Variants in ADGRA3 observed in about 807,000 individuals in gnomAD.
ADGRA3 encodes adhesion G protein-coupled receptor A3.
ADGRA3 carries 56 observed loss-of-function variants against 119.8 expected under a neutral mutation model. The ratio of observed to expected loss-of-function variants is 0.47; its 90% CI spans 0.38 to 0.58. ADGRA3 has a LOEUF of 0.58. ADGRA3 is among the 20% of genes least tolerant of loss of function. The probability of loss-of-function intolerance (pLI) is 0.00; values close to 1 mark genes in which losing one functional copy is unlikely to be tolerated. For missense variants in ADGRA3, 1,516 were observed against 1,649.0 expected (o/e 0.92, Z 1.40); for synonymous variants, 607 against 623.8 (o/e 0.97, Z 0.40).
Position 22,388,328 on chromosome 4 carries a change from A to G in ADGRA3, c.3343T>C (p.Leu1115=), listed in dbSNP as rs947300211. Residue 1115 remains leucine, a synonymous_variant, in exon 19 of 19, where the codon TTA becomes CTA. Transcript: ENST00000334304. ...SFKNSSQGCK[L]TNLQAAAAQC... is the part of the protein sequence containing the mutation. Reference sequence around the variant, plus strand: ...GCTGCAGCCGCCTGCAAGTTTGTTAATTTGCAGCCCTGGGAGGAATTTTTG... The same window carrying G: ...GCTGCAGCCGCCTGCAAGTTTGTTAGTTTGCAGCCCTGGGAGGAATTTTTG... The G allele has an allele frequency of 1.2e-6, 2 of 1,614,066 alleles. No homozygotes were observed. Among genetic ancestry groups the G allele is most frequent in the Non-Finnish European group, 1.7e-6 (2 of 1,179,992 alleles).
chr4:22,415,685 C>A (rs1210521299), intron 12 of ADGRA3, among the ~76,000 whole-genome samples: 1 of 151,958 alleles, frequency 6.6e-6, no homozygotes, highest in African/African-American at 2.4e-5. Flanking sequence ...CAAAGCATGG[C>A]TCTTTGGGGA....
rs1718327532 is a variant in ADGRA3, at chr4:22,483,785, T to TA, written c.258-9943dup. On this transcript the variant is annotated intron_variant, in intron 1 of 18. Transcript: ENST00000334304. ...TGCAGCACTGAAATAAACAGTTGTGTAATAGAAGATTGCATATGCTACGAC... is the reference window on the plus strand; with the variant it reads ...TGCAGCACTGAAATAAACAGTTGTGTAAATAGAAGATTGCATATGCTACGAC... Among the ~76,000 whole-genome samples, 10 of 152,284 alleles carry TA rather than the reference T, an allele frequency of 6.6e-5. No homozygotes were observed. The South Asian group carries it at 2.1e-3, about 32-fold the overall frequency.
chr4:22,391,424 A>G (rs1191798715), intron 17 of ADGRA3, among the ~76,000 whole-genome samples: 1 of 152,072 alleles, frequency 6.6e-6, no homozygotes, highest in Non-Finnish European at 1.5e-5. Context: ...GCCATCTTCA[A>G]ATTTCTCTCC....
At chr4:22,435,090 C>T (rs1716341097) in intron 10 of ADGRA3, among the ~76,000 whole-genome samples, 1 of 152,136 alleles carries the variant, frequency 6.6e-6, no homozygotes. Flanking sequence ...TATCTCTGGA[C>T]CTTAACGTCC....
chr4:22,487,326 A>T (rs771048682), intron 1 of ADGRA3, among the ~76,000 whole-genome samples: 13 of 152,210 alleles, frequency 8.5e-5, no homozygotes, highest in Non-Finnish European at 1.5e-4. Flanking sequence ...GGATGGGGGA[A>T]ACAGGGATGA....
intron 7 of ADGRA3, among the ~76,000 whole-genome samples, chr4:22,441,267 G>A (rs758841223): frequency 5.9e-5 from 9 of 152,176 alleles, no homozygotes; most frequent in Non-Finnish European, 1.2e-4. Flanking sequence ...AACTACACTT[G>A]CAGGTAGAGA....
At position 22,423,219 on chromosome 4, in the gene ADGRA3, GA is replaced by G. The variant is rs879897588; in HGVS notation, c.1605+971del. On this transcript the variant is annotated intron_variant, in intron 11 of 18. Transcript: ENST00000334304. The stretch of plus-strand genomic sequence containing the variant: ...CCCCAAAAATAAATAAATAAATATT[GA>G]AAAAAAAAGAAACCACAGCAACAAA... Among the ~76,000 whole-genome samples the G allele has an allele frequency of 4.0e-5, 6 of 148,552 alleles. No individual in the cohort carries two copies. In the South Asian group the frequency reaches 1.3e-3, roughly 32 times the overall value.
At chr4:22,495,123 T>C (rs915891879) in intron 1 of ADGRA3, among the ~76,000 whole-genome samples, 36 of 152,060 alleles carry the variant, frequency 2.4e-4, no homozygotes, top group African/African-American at 8.7e-4. Flanking sequence ...ACCCTTCTTA[T>C]GATCCATCCA....
chr4:22,470,561 G>C (rs1184142565), intron 2 of ADGRA3, among the ~76,000 whole-genome samples: 1 of 152,090 alleles, frequency 6.6e-6, no homozygotes, highest in East Asian at 1.9e-4. Flanking sequence ...TCTGACCTTG[G>C]TGTGAGTAAT....
chr4:22,388,915 G>C lies in ADGRA3; in HGVS notation c.2756C>G (p.Ala919Gly), dbSNP rs1298179237. 1.2e-6 allele frequency: 2 copies of C among 1,613,910 alleles called. No homozygotes were observed. Among genetic ancestry groups the C allele is most frequent in the Admixed American group, 1.7e-5 (1 of 59,974 alleles). ...GATGAAGCTGGCTGGCCCATAGAAG[G>C]CTCCCAAGGAGGGTTCCCATGCCAT... is the stretch of plus-strand genomic sequence containing the variant. ...CWMAWEPSLG[A>G]FYGPASFITF... Residue 919 changes from alanine (A) to glycine (G), a missense_variant, in exon 19 of 19, where the codon GCC (alanine) becomes GGC (glycine). By Grantham distance (60) the Ala-to-Gly change is moderately conservative. Transcript: ENST00000334304.
chr4:22,435,169 T>C, intron 10 of ADGRA3, 142 bp downstream of exon 10: 1 of 689,392 alleles, frequency 1.5e-6, no homozygotes, highest in Non-Finnish European at 2.5e-6. Context: ...CAGAAGTATC[T>C]CAATAAAATT....
chr4:22,479,347 C>T (rs1439778390), intron 1 of ADGRA3, among the ~76,000 whole-genome samples: 1 of 152,026 alleles, frequency 6.6e-6, no homozygotes, highest in Non-Finnish European at 1.5e-5. Context: ...CCCGTAGTCC[C>T]AGCTAAGCAG....
chr4:22,425,159 C>CTACT (rs1206798206), intron 10 of ADGRA3, among the ~76,000 whole-genome samples: 1 of 151,936 alleles, frequency 6.6e-6, no homozygotes, highest in Non-Finnish European at 1.5e-5. Flanking sequence ...GGATGCCTAG[C>CTACT]TACTGCTACG....
At chr4:22,425,299 T>C (rs1715885569) in intron 10 of ADGRA3, among the ~76,000 whole-genome samples, 2 of 152,172 alleles carry the variant, frequency 1.3e-5, no homozygotes, top group East Asian at 3.9e-4. Context: ...ATAAAATAAA[T>C]GCACTCTTCC....
At chr4:22,452,626 A>T (rs1442647727) in intron 4 of ADGRA3, among the ~76,000 whole-genome samples, 1 of 152,182 alleles carries the variant, frequency 6.6e-6, no homozygotes, top group Non-Finnish European at 1.5e-5. Context: ...CCTACCAAAC[A>T]TTTTAGTTCT....
At chr4:22,477,588 A>G (rs910963998) in intron 1 of ADGRA3, 1 of 152,192 alleles carries the variant, frequency 6.6e-6, no homozygotes, top group Non-Finnish European at 1.5e-5. Context: ...AGTAGCTTAT[A>G]AAACACGGCC....
At position 22,442,680 on chromosome 4, in the gene ADGRA3, T is replaced by A; in HGVS notation, c.890A>T (p.Asn297Ile). 1 of 1,613,514 alleles carries A rather than the reference T, an allele frequency of 6.2e-7. No individual in the cohort carries two copies. The highest frequency in any genetic ancestry group is 8.5e-7 in the Non-Finnish European group (1 of 1,179,708). ...AATCAAGGAGCAGTTGTGAATCATGTTCTTTTCAACAAAAATACCTTGCGA... is the reference window on the plus strand; with the variant it reads ...AATCAAGGAGCAGTTGTGAATCATGATCTTTTCAACAAAAATACCTTGCGA... ...DESQGIFVEK[N>I]MIHNCSLIAS... is the part of the protein sequence containing the mutation. The change falls in exon 7 of 19, where the codon AAC becomes ATC. Residue 297 changes from asparagine (N) to isoleucine (I), a missense_variant. Around this residue, in one of 2 missense-constraint regions of ADGRA3, gnomAD observed 428 missense variants for 541.9 expected, o/e 0.79. Transcript: ENST00000334304.
chr4:22,436,742 TCA>T, intron 8 of ADGRA3, 101 bp from the exon 9 acceptor site: 1 of 977,286 alleles, frequency 1.0e-6, no homozygotes, highest in Non-Finnish European at 1.6e-6. Flanking sequence ...ATGTGTCATG[TCA>T]ATACAACCCT....
At chr4:22,429,999 TA>T (rs1482121660) in intron 10 of ADGRA3, among the ~76,000 whole-genome samples, 1 of 152,170 alleles carries the variant, frequency 6.6e-6, no homozygotes, top group Non-Finnish European at 1.5e-5. Context: ...TTTGTGATAG[TA>T]AGTCTCACGA....
Sources: gnomAD v4.1 joint callset for allele counts (sites outside exome capture counted in the v4.1 genomes callset) on GRCh38, gnomAD v4.1.1 for gene constraint, gnomAD v4.1.1 regional missense constraint, MANE v1.5 for transcripts, NCBI Gene and HGNC (gene_info 2026-07-23, HGNC 2026-07-21) for gene names.